The following CHN2 variants were observed in gnomAD, a reference collection of about 807,000 sequenced individuals.
The protein encoded by CHN2 is beta-chimaerin.
CHN2 carries 35 observed loss-of-function variants against 56.3 expected under a neutral mutation model. The observed-to-expected ratio is 0.62, with a 90% CI of 0.47 to 0.82. The LOEUF (loss-of-function observed/expected upper bound fraction) is 0.82. Ranked by LOEUF, CHN2 falls within the 40% of genes least tolerant of loss-of-function variation. The pLI is 0.00. For missense variants in CHN2, 491 were observed against 580.5 expected, an observed-to-expected ratio of 0.85 and a Z score of 1.58; for synonymous variants, 210 against 212.8, an observed-to-expected ratio of 0.99 and a Z score of 0.12.
chr7:29,308,735 T>C (rs529998378), intron 1 of CHN2, among the ~76,000 whole-genome samples: 8 of 152,298 alleles, frequency 5.3e-5, no homozygotes, highest in African/African-American at 1.4e-4. Flanking sequence ...GGAGGAAAAT[T>C]CAGTAGTTGG....
At chr7:29,291,721 T>C (rs535394694) in intron 1 of CHN2, among the ~76,000 whole-genome samples, 4 of 152,338 alleles carry the variant, frequency 2.6e-5, no homozygotes, top group South Asian at 2.1e-4. Flanking sequence ...GCTAAAGCTT[T>C]GCACATCCTT....
intron 1 of CHN2, among the ~76,000 whole-genome samples, chr7:29,310,119 G>A: frequency 6.6e-6 from 1 of 152,094 alleles, no homozygotes; most frequent in South Asian, 2.1e-4. Flanking sequence ...ACTTCAACAT[G>A]GTTACACGGA....
At chr7:29,312,049 G>A (rs1231078151) in intron 1 of CHN2, among the ~76,000 whole-genome samples, 1 of 152,154 alleles carries the variant, frequency 6.6e-6, no homozygotes, top group African/African-American at 2.4e-5. Context: ...GGCAACTACA[G>A]TACTGGAAAT....
intron 4 of CHN2, chr7:29,397,520 A>G (rs1034719): frequency 0.21 from 32,687 of 152,060 alleles, 4,649 homozygotes; most frequent in Non-Finnish European, 0.32. Context: ...CATTTCCCCA[A>G]CCCAGCTTGC....
chr7:29,341,234 C>T (rs905005865), intron 1 of CHN2, among the ~76,000 whole-genome samples: 8 of 143,738 alleles, frequency 5.6e-5, no homozygotes, highest in South Asian at 2.2e-4. Flanking sequence ...GAGGTACAGT[C>T]GGTAGCCCTC....
At chr7:29,498,727 TCAGAATGTAG>T (rs1447043889) in intron 8 of CHN2, among the ~76,000 whole-genome samples, 1 of 147,064 alleles carries the variant, frequency 6.8e-6, no homozygotes, top group East Asian at 1.9e-4. Flanking sequence ...TTTTTCCCTT[TCAGAATGTAG>T]CAGAATGTAG....
At chr7:29,227,397 A>T (rs117837780) in intron 1 of CHN2, among the ~76,000 whole-genome samples, 38 of 152,244 alleles carry the variant, frequency 2.5e-4, no homozygotes, top group Non-Finnish European at 4.7e-4. Context: ...TTCCTGTTAA[A>T]GGTTTGTCTG....
At chr7:29,500,443 T>G (rs985260476) in intron 9 of CHN2, among the ~76,000 whole-genome samples, 1 of 152,036 alleles carries the variant, frequency 6.6e-6, no homozygotes, top group Non-Finnish European at 1.5e-5. Flanking sequence ...ATGGGCAACA[T>G]AGTGAGACCC....
intron 1 of CHN2, among the ~76,000 whole-genome samples, chr7:29,286,605 G>GA (rs1404934109): frequency 1.3e-5 from 2 of 152,158 alleles, no homozygotes; most frequent in Non-Finnish European, 2.9e-5. Context: ...AGGGTAAGGG[G>GA]AAAAATAAGA....
chr7:29,445,859 G>C (rs1447190430), intron 6 of CHN2, among the ~76,000 whole-genome samples: 1 of 152,062 alleles, frequency 6.6e-6, no homozygotes, highest in Non-Finnish European at 1.5e-5. Context: ...CATCATGGTA[G>C]TACCAAAGGC....
chr7:29,479,733 G>T (rs1210498229), intron 6 of CHN2: 10 of 1,117,192 alleles, frequency 9.0e-6, no homozygotes, highest in African/African-American at 1.6e-5. Context: ...TGTGAAATGT[G>T]CTAATAAGGA....
In CHN2 at chr7:29,266,599, C is replaced by G. The variant is rs117318785; in HGVS notation, c.49+71609C>G. On this transcript the variant is annotated intron_variant, in intron 1 of 12. Coordinates refer to ENST00000222792, the MANE Select transcript of CHN2 (RefSeq NM_004067.4). ...ATGCATTATTTAATGTTAACAGGCC[C>G]CCTATCATGGCAGGCATGACCCCAT... Among the ~76,000 whole-genome samples the G allele has an allele frequency of 2.6e-3, 394 of 152,230 alleles. 1 individual carries two copies. The highest frequency in any genetic ancestry group is 0.011 in the Admixed American group (172 of 15,294).
Position 29,367,918 on chromosome 7 carries a change from CTCT to C in CHN2, c.89-12_89-10del. 6.2e-7 allele frequency: 1 copy of C among 1,605,002 alleles called. No homozygotes were observed. Among genetic ancestry groups the C allele is most frequent in the Non-Finnish European group, 8.5e-7 (1 of 1,176,406 alleles). On this transcript the variant is annotated splice_polypyrimidine_tract_variant and intron_variant, in intron 2 of 12. Coordinates refer to ENST00000222792, the MANE Select transcript of CHN2 (RefSeq NM_004067.4). ...TCTAATTATTTCTCTCTCTCTCTCT[CTCT>C]TTTTTGGCAGTATATCAGTTACAGC...
At chr7:29,342,445 G>C (rs1291000431) in intron 1 of CHN2, among the ~76,000 whole-genome samples, 2 of 152,248 alleles carry the variant, frequency 1.3e-5, no homozygotes, top group Middle Eastern at 3.4e-3. Context: ...TTCTTGGCTT[G>C]CCAGTAATAA....
At chr7:29,271,889 C>G (rs1196472972) in intron 1 of CHN2, among the ~76,000 whole-genome samples, 1 of 152,122 alleles carries the variant, frequency 6.6e-6, no homozygotes, top group South Asian at 2.1e-4. Flanking sequence ...CACTTCTCCT[C>G]CCCACCAACA....
At chr7:29,443,378 T>C (rs117706070) in intron 6 of CHN2, among the ~76,000 whole-genome samples, 1 of 152,334 alleles carries the variant, frequency 6.6e-6, no homozygotes, top group East Asian at 1.9e-4. Context: ...AGGTACATAG[T>C]AGGCTCTGCC....
At chr7:29,472,541 C>T (rs765763848) in intron 6 of CHN2, among the ~76,000 whole-genome samples, 1 of 152,002 alleles carries the variant, frequency 6.6e-6, no homozygotes, top group Non-Finnish European at 1.5e-5. Context: ...CATCACCCAA[C>T]ACCAGTACCC....
chr7:29,438,892 A>G (rs1783432746), intron 6 of CHN2, among the ~76,000 whole-genome samples: 1 of 152,214 alleles, frequency 6.6e-6, no homozygotes, highest in Non-Finnish European at 1.5e-5. Flanking sequence ...ACTATTCACA[A>G]TATTATTTTG....
intron 1 of CHN2, among the ~76,000 whole-genome samples, chr7:29,251,474 CATAAA>C (rs879299213): frequency 9.2e-5 from 14 of 152,004 alleles, no homozygotes; most frequent in Non-Finnish European, 1.8e-4. Flanking sequence ...AATAAAATAA[CATAAA>C]ATAAAATAAA....
Sources: gnomAD v4.1 joint callset for allele counts (sites outside exome capture counted in the v4.1 genomes callset) on GRCh38, gnomAD v4.1.1 for gene constraint, MANE v1.5 for transcripts, NCBI Gene and HGNC (gene_info 2026-07-23, HGNC 2026-07-21) for gene names.